The following NAALAD2 variants were observed in gnomAD, a reference collection of about 807,000 sequenced individuals.
NAALAD2 encodes N-acetylated-alpha-linked acidic dipeptidase 2.
A neutral mutation model predicts 95.6 loss-of-function variants in NAALAD2; 89 were observed. The ratio of observed to expected loss-of-function variants is 0.93; its 90% confidence interval spans 0.78 to 1.11. The LOEUF (loss-of-function observed/expected upper bound fraction) is 1.11, where lower values mean the gene tolerates loss of function less well. Ranked by LOEUF, NAALAD2 falls within the 50% of genes least tolerant of loss-of-function variation. The pLI, the probability that NAALAD2 is intolerant of heterozygous loss-of-function variation, is 0.00. For synonymous variants in NAALAD2, 264 were observed against 294.4 expected, an observed-to-expected ratio of 0.90 and a Z score of 1.06; for missense variants, 894 against 872.4, an observed-to-expected ratio of 1.02 and a Z score of -0.31.
In NAALAD2 at chr11:90,175,977, A is replaced by G. The variant is rs762217272; in HGVS notation, c.1508A>G (p.Asn503Ser). 6.2e-6 allele frequency: 10 copies of G among 1,606,922 alleles called. No individual in the cohort carries two copies. Among genetic ancestry groups the G allele is most frequent in the Non-Finnish European group, 8.5e-6 (10 of 1,174,210 alleles). The change falls in exon 15 of 19, where the codon AAT becomes AGT. Residue 503 changes from asparagine (N) to serine (S), a missense_variant. Asn to Ser is a conservative substitution (Grantham distance 46). Coordinates refer to ENST00000534061, the MANE Select transcript of NAALAD2 (RefSeq NM_005467.4). ...GGATTGCATTCTACATCTAGAATCA[A>G]TAAGCTGGGATCTGGAAGTGACTTT... ...SPENKNLPRINKLGSGSDFEA... is the reference protein window; with the variant it reads ...SPENKNLPRISKLGSGSDFEA...
chr11:90,167,995 A>G (rs1439664747), intron 11 of NAALAD2, among the ~76,000 whole-genome samples: 1 of 152,136 alleles, frequency 6.6e-6, no homozygotes, highest in Admixed American at 6.5e-5. Flanking sequence ...ACGTTGTGAA[A>G]GATTTGTTCT....
Position 90,163,395 on chromosome 11 carries a change from A to C in NAALAD2, c.1161A>C (p.Glu387Asp). The change falls in exon 10 of 19, where the codon GAA becomes GAC. Residue 387 changes from glutamate (E) to aspartate (D), a missense_variant. Coordinates refer to ENST00000534061, the MANE Select transcript of NAALAD2 (RefSeq NM_005467.4). ...CCAGTGGGGTTGCTGTTTTGCAAGA[A>C]ATTGCCCGGAGTTTTGGAAAACTGA... ...DPTSGVAVLQ[E>D]IARSFGKLMS... is the part of the protein sequence containing the mutation. The C allele has an allele frequency of 6.2e-7, 1 of 1,614,076 alleles. No homozygotes were observed. Among genetic ancestry groups the C allele is most frequent in the Non-Finnish European group, 8.5e-7 (1 of 1,179,936 alleles).
chr11:90,143,089 A>G (rs1207414450), intron 2 of NAALAD2, among the ~76,000 whole-genome samples: 1 of 152,118 alleles, frequency 6.6e-6, no homozygotes, highest in Non-Finnish European at 1.5e-5. Flanking sequence ...TATTAATGTT[A>G]TATTTTTTCT....
At chr11:90,145,618 C>A (rs1001551189) in intron 2 of NAALAD2, among the ~76,000 whole-genome samples, 1 of 151,962 alleles carries the variant, frequency 6.6e-6, no homozygotes, top group East Asian at 1.9e-4. Flanking sequence ...TTTTCATTTT[C>A]TGATATAGAG....
At chr11:90,155,826 A>T (rs907753896) in intron 6 of NAALAD2, among the ~76,000 whole-genome samples, 2 of 113,668 alleles carry the variant, frequency 1.8e-5, no homozygotes, top group Non-Finnish European at 3.3e-5. Context: ...ATATATATGT[A>T]ATATATGTAA....
intron 6 of NAALAD2, among the ~76,000 whole-genome samples, chr11:90,155,351 A>G (rs2134885178): frequency 8.7e-6 from 1 of 115,560 alleles, no homozygotes; most frequent in East Asian, 2.4e-4. Context: ...TATATTATAT[A>G]TTACATGTAT....
chr11:90,140,962 T>C (rs548804779), intron 2 of NAALAD2, among the ~76,000 whole-genome samples: 73 of 152,182 alleles, frequency 4.8e-4, no homozygotes, highest in Non-Finnish European at 8.7e-4. Context: ...TTTGTTAAAA[T>C]GTTATCCTTC....
chr11:90,155,546 GAT>G (rs2134887906), intron 6 of NAALAD2, among the ~76,000 whole-genome samples: 1 of 103,148 alleles, frequency 9.7e-6, no homozygotes, highest in Non-Finnish European at 1.8e-5. Context: ...TATTATATAT[GAT>G]ATATAATGTG....
At chr11:90,153,080 A>G (rs1951932248) in intron 6 of NAALAD2, among the ~76,000 whole-genome samples, 1 of 152,108 alleles carries the variant, frequency 6.6e-6, no homozygotes, top group Non-Finnish European at 1.5e-5. Flanking sequence ...TGCTGTCAGC[A>G]TGATTATTTT....
At chr11:90,162,850 T>G (rs1952334224) in intron 8 of NAALAD2, 99 bp from the exon 9 acceptor site, 1 of 673,684 alleles carries the variant, frequency 1.5e-6, no homozygotes, top group Admixed American at 3.0e-5. Flanking sequence ...GCACAGCTTT[T>G]CATAATAAAA....
rs1857371968 is a variant in NAALAD2 at position 90,192,827 on chromosome 11, C to A, written c.*1080C>A. ...AGAATCTGCAAACTTTTATGCAGAT[C>A]CCAGTGACTCAATTACATGTTCAAC... On this transcript the variant is annotated 3_prime_UTR_variant, in exon 19 of 19. Coordinates refer to ENST00000534061, the MANE Select transcript of NAALAD2 (RefSeq NM_005467.4). 1 of 152,054 alleles carries A rather than the reference C, an allele frequency of 6.6e-6. No individual in the cohort carries two copies. The highest frequency in any genetic ancestry group is 1.9e-4 in the East Asian group (1 of 5,174). 9.4% of individuals were successfully genotyped at this position (152,054 alleles called of 1,614,324 possible).
At chr11:90,153,452 T>C (rs1951944307) in intron 6 of NAALAD2, among the ~76,000 whole-genome samples, 1 of 152,158 alleles carries the variant, frequency 6.6e-6, no homozygotes, top group Non-Finnish European at 1.5e-5. Flanking sequence ...ACATTTAGTA[T>C]GTCAGTCTTT....
intron 2 of NAALAD2, among the ~76,000 whole-genome samples, chr11:90,142,040 A>G (rs932659146): frequency 5.9e-5 from 9 of 152,118 alleles, no homozygotes; most frequent in African/African-American, 2.2e-4. Context: ...AGCTGTCGTT[A>G]TTTTGTTGAT....
chr11:90,157,018 C>T (rs575073731), intron 6 of NAALAD2, among the ~76,000 whole-genome samples: 3 of 152,050 alleles, frequency 2.0e-5, no homozygotes, highest in Admixed American at 6.6e-5. Context: ...AGAATATGGT[C>T]TCTGTAATAC....
rs1287207065 is a variant in NAALAD2 at position 90,176,076 on chromosome 11, T to A, written c.1593+14T>A. On this transcript the variant is annotated intron_variant, in intron 15 of 18. Coordinates refer to ENST00000534061, the MANE Select transcript of NAALAD2 (RefSeq NM_005467.4). ...ACTAAGAATAAGGTAAGCCATTTTA[T>A]CATTTTGAATATATAACATTTCATC... 6.3e-7 allele frequency: 1 copy of A among 1,585,768 alleles called. No individual in the cohort carries two copies. The highest frequency in any genetic ancestry group is 1.3e-5 in the African/African-American group (1 of 74,364).
chr11:90,155,380 TTATACA>T (rs1952046796), intron 6 of NAALAD2, among the ~76,000 whole-genome samples: 2 of 90,230 alleles, frequency 2.2e-5, no homozygotes, highest in Non-Finnish European at 3.7e-5. Context: ...ATATTACATA[TTATACA>T]TGTAATATAT....
intron 3 of NAALAD2, among the ~76,000 whole-genome samples, chr11:90,148,025 T>C (rs931319364): frequency 6.6e-6 from 1 of 152,152 alleles, no homozygotes; most frequent in Non-Finnish European, 1.5e-5. Flanking sequence ...CGATATGAGA[T>C]AAACCAGTAA....
At chr11:90,162,924 T>A (rs374835697) in intron 8 of NAALAD2, 25 bp from the exon 9 acceptor site, 12 of 1,243,310 alleles carry the variant, frequency 9.7e-6, no homozygotes, top group African/African-American at 6.1e-5. Context: ...CTGTACTAAG[T>A]AATTTATTCC....
At chr11:90,176,106 GT>G in intron 15 of NAALAD2, 44 bp downstream of exon 15, 1 of 1,458,954 alleles carries the variant, frequency 6.9e-7, no homozygotes, top group South Asian at 1.2e-5. Flanking sequence ...TTCATCTACA[GT>G]CCTTTGGCGA....
Sources: allele counts gnomAD v4.1 joint callset (sites outside exome capture counted in the v4.1 genomes callset), GRCh38; gene constraint gnomAD v4.1.1; transcripts MANE v1.5; gene names NCBI Gene and HGNC (gene_info 2026-07-23, HGNC 2026-07-21).